Variants in RPRD1A observed in about 807,000 individuals in gnomAD.
RPRD1A encodes the protein regulation of nuclear pre-mRNA domain containing 1A.
Under a neutral mutation model 37.8 loss-of-function variants are expected in RPRD1A, and 9 were observed. That is an observed-to-expected ratio of 0.24 (90% confidence interval 0.14 to 0.42). The LOEUF is 0.42. Ranked by LOEUF, RPRD1A falls within the 10% of genes least tolerant of loss-of-function variation. The probability of loss-of-function intolerance (pLI) is 1.00; values close to 1 mark genes in which losing one functional copy is unlikely to be tolerated. For missense variants in RPRD1A, 255 were observed against 371.0 expected (o/e 0.69, Z 2.57); for synonymous variants, 138 against 139.7 (o/e 0.99, Z 0.08).
chr18:35,999,159 T>C (rs1909270595), intron 6 of RPRD1A, among the ~76,000 whole-genome samples: 1 of 152,168 alleles, frequency 6.6e-6, no homozygotes, highest in African/African-American at 2.4e-5. Context: ...ACACACTTTC[T>C]ATATATCTAC....
intron 6 of RPRD1A, among the ~76,000 whole-genome samples, chr18:36,008,589 A>ATATATATATATATATATATCTCTC (rs71381561): frequency 1.1e-5 from 1 of 90,824 alleles, no homozygotes; most frequent in Non-Finnish European, 2.2e-5. Context: ...ATATATATAT[A>ATATATATATATATATATATCTCTC]TCTTTAAAAA....
chr18:36,034,575 A>G (rs1912051772), intron 1 of RPRD1A, among the ~76,000 whole-genome samples: 1 of 152,168 alleles, frequency 6.6e-6, no homozygotes. Context: ...CATAAGGAAA[A>G]CAGTGTTGAA....
chr18:36,051,422 AG>A (rs762486949), intron 1 of RPRD1A, among the ~76,000 whole-genome samples: 10 of 152,212 alleles, frequency 6.6e-5, no homozygotes, highest in Non-Finnish European at 1.5e-4. Flanking sequence ...GAAATTTTTC[AG>A]GTCTTTCTCA....
At chr18:36,011,463 A>T (rs1209845505) in intron 6 of RPRD1A, among the ~76,000 whole-genome samples, 1 of 152,122 alleles carries the variant, frequency 6.6e-6, no homozygotes, top group East Asian at 1.9e-4. Flanking sequence ...TCTATAATTA[A>T]AATATATTCT....
intron 1 of RPRD1A, among the ~76,000 whole-genome samples, chr18:36,055,127 G>A (rs1913671409): frequency 6.6e-6 from 1 of 152,178 alleles, no homozygotes; most frequent in Non-Finnish European, 1.5e-5. Context: ...CATCACAAAT[G>A]CTGTTCAAGA....
chr18:36,009,977 ATATC>A (rs1283554440), intron 6 of RPRD1A, among the ~76,000 whole-genome samples: 4 of 152,058 alleles, frequency 2.6e-5, no homozygotes, highest in South Asian at 2.1e-4. Context: ...TCCCTTCATT[ATATC>A]TATCTTTGCC....
intron 6 of RPRD1A, among the ~76,000 whole-genome samples, chr18:36,003,107 A>T (rs1347727833): frequency 1.3e-5 from 2 of 152,100 alleles, no homozygotes; most frequent in African/African-American, 2.4e-5. Context: ...AGTTCCCTCA[A>T]CTGTTCTCCA....
intron 1 of RPRD1A, among the ~76,000 whole-genome samples, chr18:36,035,408 A>C (rs1912118101): frequency 6.6e-6 from 1 of 152,202 alleles, no homozygotes; most frequent in Non-Finnish European, 1.5e-5. Context: ...TCTATTTGGC[A>C]GCTGAACAAA....
In RPRD1A at chr18:36,067,365, A is replaced by T. The variant is rs1029427212; in HGVS notation, c.40T>A (p.Ser14Thr). The T allele has an allele frequency of 6.2e-7, 1 of 1,608,036 alleles. No individual in the cohort carries two copies. The highest frequency in any genetic ancestry group is 8.5e-7 in the Non-Finnish European group (1 of 1,177,584). The change falls in exon 1 of 7, where the codon TCG (serine) becomes ACG (threonine). Residue 14 changes from serine (S) to threonine (T), a missense_variant. Physicochemically the swap from Ser to Thr is moderately conservative, Grantham distance 58. Coordinates refer to ENST00000399022, the MANE Select transcript of RPRD1A (RefSeq NM_018170.5). ...FSEAALEKKLSELSNSQQSVQ... is the reference protein window; with the variant it reads ...FSEAALEKKLTELSNSQQSVQ... ...CTCTGCTGCGAGTTGCTCAACTCCG[A>T]CAGCTTCTTCTCCAGCGCCGCCTCA... is the stretch of plus-strand genomic sequence containing the variant.
chr18:36,043,791 A>G (rs886847364), intron 1 of RPRD1A, among the ~76,000 whole-genome samples: 4 of 152,176 alleles, frequency 2.6e-5, no homozygotes, highest in African/African-American at 7.2e-5. Context: ...CAACCCTACA[A>G]GGTAAGTTAT....
intron 1 of RPRD1A, among the ~76,000 whole-genome samples, chr18:36,043,197 G>A (rs752478918): frequency 1.7e-5 from 1 of 57,926 alleles, no homozygotes; most frequent in East Asian, 5.0e-4. Flanking sequence ...AAGAAGAATC[G>A]GGGGGGGGGG....
At chr18:36,009,145 G>A (rs1910008687) in intron 6 of RPRD1A, among the ~76,000 whole-genome samples, 1 of 152,022 alleles carries the variant, frequency 6.6e-6, no homozygotes, top group Non-Finnish European at 1.5e-5. Flanking sequence ...ATGCTTAGTG[G>A]TTCAACCACC....
chr18:35,995,108 ATAGAGAAGT>A lies in RPRD1A; in HGVS notation c.790-1817_790-1809del, dbSNP rs1908947588. Among the ~76,000 whole-genome samples the A allele has an allele frequency of 1.3e-5, 2 of 152,174 alleles. 1 individual carries two copies. The highest frequency in any genetic ancestry group is 4.1e-4 in the South Asian group (2 of 4,832). On this transcript the variant is annotated intron_variant, in intron 6 of 6. Coordinates refer to ENST00000399022, the MANE Select transcript of RPRD1A (RefSeq NM_018170.5). ...GAGCAGTAAAATAGTAGATACCAGG[ATAGAGAAGT>A]GAGCATGTATTTGGAAAATTTCCCA...
chr18:36,061,469 C>T (rs1568155487), intron 1 of RPRD1A, among the ~76,000 whole-genome samples: 1 of 152,202 alleles, frequency 6.6e-6, no homozygotes, highest in African/African-American at 2.4e-5. Flanking sequence ...AGAATTTCCT[C>T]CTATCTATCT....
At chr18:36,023,793 G>A (rs909808287) in intron 6 of RPRD1A, among the ~76,000 whole-genome samples, 1 of 152,166 alleles carries the variant, frequency 6.6e-6, no homozygotes, top group Non-Finnish European at 1.5e-5. Context: ...AGGCTCAGAT[G>A]ATTAGTCTTT....
At chr18:36,046,376 T>C (rs2144357312) in intron 1 of RPRD1A, among the ~76,000 whole-genome samples, 1 of 152,266 alleles carries the variant, frequency 6.6e-6, no homozygotes, top group South Asian at 2.1e-4. Context: ...ACTTTCACCA[T>C]GGTACAGCAA....
At chr18:36,025,835 A>G (rs920895207) in intron 6 of RPRD1A, 11 of 297,732 alleles carry the variant, frequency 3.7e-5, no homozygotes, top group Non-Finnish European at 6.4e-5. Context: ...GTGGCAAGTT[A>G]ATTATCAAAT....
Position 36,067,373 on chromosome 18 carries a change from T to A in RPRD1A, c.32A>T (p.Lys11Met). 1 of 1,608,048 alleles carries A rather than the reference T, an allele frequency of 6.2e-7. No individual in the cohort carries two copies. The change falls in exon 1 of 7, where the codon AAG becomes ATG. Residue 11 changes from lysine (K) to methionine (M), a missense_variant. Coordinates refer to ENST00000399022, the MANE Select transcript of RPRD1A (RefSeq NM_018170.5). ...CGAGTTGCTCAACTCCGACAGCTTC[T>A]TCTCCAGCGCCGCCTCAGAGAAGGC... Reference protein sequence around the residue: MSAFSEAALEKKLSELSNSQQ... With the variant: MSAFSEAALEMKLSELSNSQQ...
chr18:36,006,171 A>G (rs928840953), intron 6 of RPRD1A, among the ~76,000 whole-genome samples: 1 of 152,176 alleles, frequency 6.6e-6, no homozygotes, highest in Non-Finnish European at 1.5e-5. Flanking sequence ...CTCACATACA[A>G]TGGAGTTTAA....
Sources: allele counts gnomAD v4.1 joint callset (sites outside exome capture counted in the v4.1 genomes callset), GRCh38; gene constraint gnomAD v4.1.1; transcripts MANE v1.5; gene names NCBI Gene and HGNC (gene_info 2026-07-23, HGNC 2026-07-21).